The following GNA15 variants were observed in gnomAD, a reference collection of about 807,000 sequenced individuals.
GNA15 encodes guanine nucleotide-binding protein subunit alpha-15.
GNA15 carries 23 observed loss-of-function variants against 40.1 expected under a neutral mutation model. The observed-to-expected ratio is 0.57, with a 90% CI of 0.41 to 0.81. The LOEUF (loss-of-function observed/expected upper bound fraction) is 0.81. GNA15 is among the 40% of genes least tolerant of loss of function. The pLI, the probability that GNA15 is intolerant of heterozygous loss-of-function variation, is 0.00. For missense variants in GNA15, 522 were observed against 515.8 expected (o/e 1.01, Z -0.12); for synonymous variants, 226 against 210.4 (o/e 1.07, Z -0.64).
intron 3 of GNA15, 131 bp downstream of exon 3, chr19:3,150,416 G>A: frequency 2.5e-6 from 2 of 784,618 alleles, no homozygotes; most frequent in Non-Finnish European, 3.9e-6. Context: ...TCCAGGATGA[G>A]GTCCTTCCAG....
In GNA15 at chr19:3,153,466, G is replaced by GTGGA. The variant is rs200916319; in HGVS notation, c.614+1651_614+1654dup. Among the ~76,000 whole-genome samples, 18 of 151,534 alleles carry GTGGA rather than the reference G, an allele frequency of 1.2e-4. No individual in the cohort carries two copies. In the Middle Eastern group the frequency reaches 0.024, roughly 202 times the overall value. ...GATGGATGGATTGAAAGAGGGATGAGTGGATGGATGGATGGATGGATGGTT... is the reference window on the plus strand; with the variant it reads ...GATGGATGGATTGAAAGAGGGATGAGTGGATGGATGGATGGATGGATGGATGGTT... On this transcript the variant is annotated intron_variant, in intron 4 of 6. Transcript: ENST00000262958.
intron 4 of GNA15, among the ~76,000 whole-genome samples, chr19:3,152,285 GA>G (rs773483203): frequency 2.6e-4 from 40 of 152,218 alleles, no homozygotes; most frequent in Non-Finnish European, 4.9e-4. Context: ...TCAGAAAAAG[GA>G]GGAGCCAGGA....
intron 6 of GNA15, among the ~76,000 whole-genome samples, chr19:3,159,888 C>T (rs1440231019): frequency 6.6e-6 from 1 of 152,192 alleles, no homozygotes; most frequent in Non-Finnish European, 1.5e-5. Context: ...TAGTGTTGGG[C>T]ACCACTTAGT....
chr19:3,144,568 A>C lies in GNA15; in HGVS notation c.146-4023A>C, dbSNP rs190611924. Among the ~76,000 whole-genome samples the C allele has an allele frequency of 1.6e-3, 240 of 151,980 alleles. 3 individuals are homozygous for C. In the East Asian group the frequency reaches 0.033, roughly 21 times the overall value. On this transcript the variant is annotated intron_variant, in intron 1 of 6. Coordinates refer to ENST00000262958, the MANE Select transcript of GNA15 (RefSeq NM_002068.4). ...TTTTGAGTCGGAGTCTCGCTCTGTC[A>C]CCCAGGCTGGAGTGCAGTGGCATGA...
In GNA15 at chr19:3,155,950, G is replaced by A; in HGVS notation, c.742G>A (p.Glu248Lys). 2 of 1,613,832 alleles carry A rather than the reference G, an allele frequency of 1.2e-6. No individual in the cohort carries two copies. The highest frequency in any genetic ancestry group is 2.2e-5 in the East Asian group (1 of 44,876). ...CCAGTGCCTGGAGGAGAACAACCAG[G>A]AGGTGCGCCACCGCCTCCCTCGCCC... is the stretch of plus-strand genomic sequence containing the variant. ...YDQCLEENNQ[E>K]NRMKESLALF... is the part of the protein sequence containing the mutation. The change falls in exon 5 of 7, where the codon GAG (glutamate) becomes AAG (lysine). Residue 248 changes from glutamate to lysine, a missense_variant and splice_region_variant. By Grantham distance (56) the Glu-to-Lys change is moderately conservative. Transcript: ENST00000262958. This position sits in a 1 kb window ranked among gnomAD's most constrained non-coding sequence, Gnocchi z 5.6.
At chr19:3,157,956 T>A in intron 6 of GNA15, 75 bp downstream of exon 6, 2 of 1,193,544 alleles carry the variant, frequency 1.7e-6, no homozygotes, top group Non-Finnish European at 2.5e-6. Flanking sequence ...ATCCAGACTC[T>A]ACTTCAGCCT....
rs1396273522 is a variant in GNA15 at position 3,147,506 on chromosome 19, T to C, written c.146-1085T>C. On this transcript the variant is annotated intron_variant, in intron 1 of 6. Coordinates refer to ENST00000262958, the MANE Select transcript of GNA15 (RefSeq NM_002068.4). ...AGCCAGAGGTTGCAGTGAGCTGAGA[T>C]TGCGCCATTGCACTCCAGCCTGGGC... Among the ~76,000 whole-genome samples, 5 of 150,760 alleles carry C rather than the reference T, an allele frequency of 3.3e-5. No individual in the cohort carries two copies. The East Asian group carries it at 9.8e-4, about 30-fold the overall frequency.
Position 3,136,743 on chromosome 19 carries a change from C to A in GNA15, c.145+148C>A, listed in dbSNP as rs1914467582. 1 of 752,836 alleles carries A rather than the reference C, an allele frequency of 1.3e-6. No homozygotes were observed. Among genetic ancestry groups the A allele is most frequent in the Non-Finnish European group, 2.1e-6 (1 of 476,124 alleles). The allele number at this position is 752,836 out of a possible 1,614,324, so 46.6% of individuals were successfully genotyped here. The stretch of plus-strand genomic sequence containing the variant: ...CTCCCAGGGAATGGGGAGCCTGGAA[C>A]CCATTTTCCAGATGAGAAAGACTGA... On this transcript the variant is annotated intron_variant, in intron 1 of 6. Transcript: ENST00000262958. This position sits in a 1 kb window ranked among gnomAD's most constrained non-coding sequence, Gnocchi z 4.9.
intron 5 of GNA15, among the ~76,000 whole-genome samples, 160 bp downstream of exon 5, chr19:3,156,112 T>C (rs902047233): frequency 2.6e-5 from 4 of 151,056 alleles, no homozygotes; most frequent in African/African-American, 9.8e-5. Flanking sequence ...TGTGGTCAGA[T>C]TGCAGCAACC....
chr19:3,159,346 CTTT>C (rs112224395), intron 6 of GNA15, among the ~76,000 whole-genome samples: 99 of 115,144 alleles, frequency 8.6e-4, no homozygotes, highest in Non-Finnish European at 1.2e-3. Flanking sequence ...AATTTCTTTT[CTTT>C]TTTTTTTTTT....
intron 1 of GNA15, among the ~76,000 whole-genome samples, chr19:3,144,021 G>T (rs180928918): frequency 6.6e-6 from 1 of 151,952 alleles, no homozygotes; most frequent in African/African-American, 2.4e-5. Flanking sequence ...CTGCTTGGGA[G>T]GCTGAGGCAG....
At chr19:3,146,582 TGTCAGCAAG>T (rs1269710435) in intron 1 of GNA15, 1 of 152,204 alleles carries the variant, frequency 6.6e-6, no homozygotes, top group African/African-American at 2.4e-5. Context: ...TTGTACCATC[TGTCAGCAAG>T]GTCAGGTCGA....
intron 1 of GNA15, among the ~76,000 whole-genome samples, chr19:3,147,749 T>G (rs1405115164): frequency 6.7e-6 from 1 of 149,770 alleles, no homozygotes. Context: ...TAGCCGGGCG[T>G]GGTGGCGGGT....
chr19:3,152,828 A>G (rs8109719), intron 4 of GNA15, among the ~76,000 whole-genome samples: 1,743 of 152,264 alleles, frequency 0.011, 36 homozygotes, highest in African/African-American at 0.039. Context: ...GGCCTCTTCA[A>G]TAGTCCTTAC....
chr19:3,137,112 C>T (rs534019630), intron 1 of GNA15, among the ~76,000 whole-genome samples: 5 of 152,214 alleles, frequency 3.3e-5, no homozygotes, highest in Non-Finnish European at 7.3e-5. Context: ...TTCATTCATT[C>T]ATTATTCATT....
At chr19:3,147,413 C>A (rs1197413419) in intron 1 of GNA15, among the ~76,000 whole-genome samples, 1 of 151,918 alleles carries the variant, frequency 6.6e-6, no homozygotes, top group East Asian at 1.9e-4. Context: ...ATTAACTAGG[C>A]GTGGTGGCAC....
chr19:3,139,466 G>A (rs551765193), intron 1 of GNA15, among the ~76,000 whole-genome samples: 5 of 151,870 alleles, frequency 3.3e-5, no homozygotes, highest in Admixed American at 1.3e-4. Context: ...ATGGTGGTGC[G>A]CAACTGTAGT....
At chr19:3,145,384 G>T (rs1259689892) in intron 1 of GNA15, among the ~76,000 whole-genome samples, 1 of 72,412 alleles carries the variant, frequency 1.4e-5, no homozygotes, top group Non-Finnish European at 3.0e-5. Flanking sequence ...TAGAGATGGG[G>T]TCTCACTATG....
chr19:3,159,428 C>A (rs1298719426), intron 6 of GNA15, among the ~76,000 whole-genome samples: 1 of 146,208 alleles, frequency 6.8e-6, no homozygotes, highest in African/African-American at 2.6e-5. Context: ...CTCACCGCAA[C>A]CTCCGCCTCC....
Sources: allele counts gnomAD v4.1 joint callset (sites outside exome capture counted in the v4.1 genomes callset), GRCh38; gene constraint gnomAD v4.1.1; non-coding constraint Gnocchi (gnomAD v3.1); transcripts MANE v1.5; gene names NCBI Gene and HGNC (gene_info 2026-07-23, HGNC 2026-07-21).